Variants in NGF observed in about 807,000 individuals in gnomAD.
The protein encoded by NGF is beta-nerve growth factor.
A neutral mutation model predicts 12.8 loss-of-function variants in NGF; 4 were observed. The ratio of observed to expected loss-of-function variants is 0.31; its 90% confidence interval spans 0.15 to 0.72. NGF has a LOEUF of 0.72. Among genes scored for constraint, NGF ranks in the 30% least tolerant of loss-of-function variants. The pLI is 0.69. For missense variants in NGF, 283 were observed against 330.8 expected, an observed-to-expected ratio of 0.86 and a Z score of 1.12; for synonymous variants, 140 against 130.0, an observed-to-expected ratio of 1.08 and a Z score of -0.52.
intron 1 of NGF, among the ~76,000 whole-genome samples, chr1:115,298,087 G>A (rs1653924363): frequency 6.6e-6 from 1 of 152,230 alleles, no homozygotes; most frequent in Non-Finnish European, 1.5e-5. Flanking sequence ...AAGAAGGTCT[G>A]AAAATATAGT....
intron 1 of NGF, among the ~76,000 whole-genome samples, chr1:115,308,008 T>C (rs776386111): frequency 2.0e-5 from 3 of 152,392 alleles, no homozygotes; most frequent in Non-Finnish European, 2.9e-5. Flanking sequence ...GGGTTTCCCA[T>C]TGATGCTTGG....
chr1:115,337,946 G>A (rs578188747), intron 1 of NGF, among the ~76,000 whole-genome samples: 1 of 152,322 alleles, frequency 6.6e-6, no homozygotes, highest in Admixed American at 6.5e-5. Flanking sequence ...TGGACTGCAG[G>A]CCATCCTGGG....
intron 1 of NGF, among the ~76,000 whole-genome samples, chr1:115,337,138 C>A (rs1195075790): frequency 1.3e-5 from 2 of 152,070 alleles, no homozygotes; most frequent in African/African-American, 2.4e-5. Flanking sequence ...AACTTCCAAC[C>A]TGGAACAACT....
intron 1 of NGF, among the ~76,000 whole-genome samples, chr1:115,329,018 G>C (rs572862966): frequency 6.6e-6 from 1 of 152,094 alleles, no homozygotes; most frequent in Non-Finnish European, 1.5e-5. Context: ...AGGTTGAGTA[G>C]TTACAATGAA....
chr1:115,299,326 T>C (rs1006231779), intron 1 of NGF, among the ~76,000 whole-genome samples: 1 of 152,202 alleles, frequency 6.6e-6, no homozygotes, highest in Non-Finnish European at 1.5e-5. Flanking sequence ...CACAAAACCC[T>C]TTCTAGCACT....
chr1:115,293,309 G>T (rs904623157), intron 2 of NGF, among the ~76,000 whole-genome samples: 1 of 152,114 alleles, frequency 6.6e-6, no homozygotes, highest in Non-Finnish European at 1.5e-5. Context: ...CTGCTCAGTC[G>T]GACCAGAGAG....
intron 1 of NGF, among the ~76,000 whole-genome samples, chr1:115,336,548 T>C (rs910689801): frequency 6.6e-6 from 1 of 152,216 alleles, no homozygotes; most frequent in African/African-American, 2.4e-5. Context: ...CCATCATGAA[T>C]TGACATTTGG....
At chr1:115,336,120 TAGG>T in intron 1 of NGF, among the ~76,000 whole-genome samples, 1 of 152,058 alleles carries the variant, frequency 6.6e-6, no homozygotes, top group Non-Finnish European at 1.5e-5. Flanking sequence ...GGGTGGGCAA[TAGG>T]AGAAGGCAAG....
Position 115,286,179 on chromosome 1 carries a change from G to T in NGF, c.617C>A (p.Thr206Asn). 1 of 1,614,110 alleles carries T rather than the reference G, an allele frequency of 6.2e-7. No individual in the cohort carries two copies. The highest frequency in any genetic ancestry group is 1.1e-5 in the South Asian group (1 of 91,072). The stretch of plus-strand genomic sequence containing the variant: ...ATCCATGGTCAGCGCCTTGACAAAG[G>T]TGTGAGTCGTGGTACAATATGAGTT... ...HWNSYCTTTH[T>N]FVKALTMDGK... The change falls in exon 3 of 3, where the codon ACC becomes AAC. Residue 206 changes from threonine to asparagine, a missense_variant. By Grantham distance (65) the Thr-to-Asn change is moderately conservative. This residue lies in a region of NGF where 132 missense variants were observed against 189.2 expected (regional missense o/e 0.70). Transcript: ENST00000369512.
intron 1 of NGF, among the ~76,000 whole-genome samples, chr1:115,322,456 A>G (rs1162878837): frequency 6.6e-6 from 1 of 152,050 alleles, no homozygotes; most frequent in East Asian, 1.9e-4. Flanking sequence ...AATCTGTGGG[A>G]GTGATTTTTG....
chr1:115,314,744 C>G (rs2101043209), intron 1 of NGF, among the ~76,000 whole-genome samples: 1 of 152,272 alleles, frequency 6.6e-6, no homozygotes, highest in East Asian at 1.9e-4. Flanking sequence ...AAGCACTATT[C>G]TAGATACTGG....
chr1:115,312,765 G>A (rs966925356), intron 1 of NGF, among the ~76,000 whole-genome samples: 13 of 152,270 alleles, frequency 8.5e-5, no homozygotes, highest in African/African-American at 3.1e-4. Flanking sequence ...TCACAGAAAT[G>A]TTTAAATCAG....
intron 2 of NGF, among the ~76,000 whole-genome samples, chr1:115,287,505 T>A (rs923352633): frequency 6.6e-6 from 1 of 152,236 alleles, no homozygotes; most frequent in Non-Finnish European, 1.5e-5. Context: ...CTTTGTGTGA[T>A]GTTTTTAAAA....
At chr1:115,313,769 T>C (rs1475441713) in intron 1 of NGF, among the ~76,000 whole-genome samples, 1 of 152,206 alleles carries the variant, frequency 6.6e-6, no homozygotes, top group African/African-American at 2.4e-5. Context: ...CAGTGACATA[T>C]TTTGTGAATT....
chr1:115,289,154 A>G (rs1460659751), intron 2 of NGF, among the ~76,000 whole-genome samples: 1 of 151,892 alleles, frequency 6.6e-6, no homozygotes, highest in Non-Finnish European at 1.5e-5. Flanking sequence ...TGTCCGGTCA[A>G]CTCTTAGCGG....
intron 1 of NGF, among the ~76,000 whole-genome samples, chr1:115,313,122 A>G (rs577542308): frequency 6.6e-6 from 1 of 152,338 alleles, no homozygotes; most frequent in South Asian, 2.1e-4. Flanking sequence ...GAGGAAAAAG[A>G]AAGTTCTGTC....
chr1:115,313,366 T>C (rs10858073), intron 1 of NGF, among the ~76,000 whole-genome samples: 7,969 of 152,294 alleles, frequency 0.052, 311 homozygotes, highest in Non-Finnish European at 0.084. Context: ...AACTGCTCAA[T>C]TGGGCTTGAT....
intron 1 of NGF, among the ~76,000 whole-genome samples, chr1:115,325,345 A>G (rs1654744599): frequency 6.6e-6 from 1 of 152,132 alleles, no homozygotes; most frequent in Non-Finnish European, 1.5e-5. Flanking sequence ...AACTATCAAC[A>G]TTTTGGGTCA....
Position 115,286,253 on chromosome 1 carries a change from G to T in NGF, c.543C>A (p.Asp181Glu). The T allele has an allele frequency of 6.2e-7, 1 of 1,614,180 alleles. No homozygotes were observed. ...GGCACCCGCTGTCAACGGGATTTGG[G>T]TCCCGGCACTTGGTCTCAAAAAAGT... Reference protein sequence around the residue: ...KQYFFETKCRDPNPVDSGCRG... With the variant: ...KQYFFETKCREPNPVDSGCRG... Residue 181 changes from aspartate (D) to glutamate (E), a missense_variant, in exon 3 of 3, where the codon GAC becomes GAA. Asp to Glu is a conservative substitution (Grantham distance 45). Around this residue, in one of 2 missense-constraint regions of NGF, gnomAD observed 132 missense variants for 189.2 expected, o/e 0.70. Coordinates refer to ENST00000369512, the MANE Select transcript of NGF (RefSeq NM_002506.3).
Sources: allele counts gnomAD v4.1 joint callset (sites outside exome capture counted in the v4.1 genomes callset), GRCh38; gene constraint gnomAD v4.1.1; regional missense constraint gnomAD v4.1.1; transcripts MANE v1.5; gene names NCBI Gene and HGNC (gene_info 2026-07-23, HGNC 2026-07-21).